Variants in ABCA8 observed in about 807,000 individuals in gnomAD.
ABCA8 encodes the protein ATP binding cassette subfamily A member 8.
ABCA8 carries 177 observed loss-of-function variants against 192.3 expected under a neutral mutation model. The observed-to-expected ratio is 0.92, with a 90% CI of 0.81 to 1.04. The LOEUF is 1.04. ABCA8 is among the 50% of genes least tolerant of loss of function. ABCA8 has a pLI of 0.00. For synonymous variants in ABCA8, 642 were observed against 690.2 expected, an observed-to-expected ratio of 0.93 and a Z score of 1.09; for missense variants, 1,915 against 1,904.8, an observed-to-expected ratio of 1.01 and a Z score of -0.10.
rs750872366 is a variant in ABCA8 at position 68,876,743 on chromosome 17, A to G, written c.4200-40T>C. The G allele has an allele frequency of 5.0e-6, 8 of 1,612,828 alleles. No homozygotes were observed. In the East Asian group the frequency reaches 1.3e-4, roughly 27 times the overall value. On this transcript the variant is annotated intron_variant, in intron 33 of 39. Coordinates refer to ENST00000586539, the MANE Select transcript of ABCA8 (RefSeq NM_001288985.2). ...AGAGTCGTACAGTCTTCTTGACAAG[A>G]GGAAATAGATAAGAGGATAACCCAA...
chr17:68,894,346 A>G (rs2066694600), intron 22 of ABCA8, 36 bp from the exon 23 acceptor site: 2 of 1,547,426 alleles, frequency 1.3e-6, no homozygotes, highest in South Asian at 1.2e-5. Context: ...GTTCTCAAAT[A>G]TCTTCATTTT....
At position 68,919,424 on chromosome 17, in the gene ABCA8, A is replaced by AT; in HGVS notation, c.1664dup (p.Asn555LysfsTer17). On this transcript the variant is annotated frameshift_variant, in exon 14 of 40. Coordinates refer to ENST00000586539, the MANE Select transcript of ABCA8 (RefSeq NM_001288985.2). LOFTEE classifies it high-confidence loss of function. ...GACAAACTCCGGTCAGCTTGCTGAG[A>AT]TTTTCTAGGTCAGCCATTTCTGAAA... 2 of 1,614,012 alleles carry AT rather than the reference A, an allele frequency of 1.2e-6. No individual in the cohort carries two copies. The highest frequency in any genetic ancestry group is 1.7e-6 in the Non-Finnish European group (2 of 1,179,966).
chr17:68,947,924 T>G (rs2068457269), intron 2 of ABCA8, among the ~76,000 whole-genome samples: 1 of 152,090 alleles, frequency 6.6e-6, no homozygotes. Flanking sequence ...GGCCCTGGTG[T>G]GCATTGTTCC....
At chr17:68,953,083 A>G (rs564485194) in intron 1 of ABCA8, among the ~76,000 whole-genome samples, 1 of 152,342 alleles carries the variant, frequency 6.6e-6, no homozygotes, top group South Asian at 2.1e-4. Flanking sequence ...TGAAAACTGT[A>G]GGACTAGAGT....
intron 15 of ABCA8, 104 bp downstream of exon 15, chr17:68,918,323 G>A (rs1392114653): frequency 1.4e-6 from 2 of 1,473,842 alleles, no homozygotes; most frequent in East Asian, 4.9e-5. Flanking sequence ...GTTCTATTAT[G>A]AATATTTTAT....
chr17:68,929,971 T>C (rs1390849034), intron 7 of ABCA8, among the ~76,000 whole-genome samples: 5 of 38,136 alleles, frequency 1.3e-4, no homozygotes, highest in African/African-American at 5.0e-4. Flanking sequence ...CACATTGTTC[T>C]GGGGGGTGGG....
At chr17:68,918,801 G>A (rs117232437) in intron 14 of ABCA8, among the ~76,000 whole-genome samples, 2,281 of 151,962 alleles carry the variant, frequency 0.015, 21 homozygotes, top group Non-Finnish European at 0.023. Context: ...GCCTGGCGGC[G>A]TGCCTGTAAT....
chr17:68,916,877 C>A (rs934453375), intron 17 of ABCA8, among the ~76,000 whole-genome samples: 1 of 152,156 alleles, frequency 6.6e-6, no homozygotes, highest in African/African-American at 2.4e-5. Context: ...GTTATATTCT[C>A]AATATCTAAA....
At position 68,933,154 on chromosome 17, in the gene ABCA8, C is replaced by A. The variant is rs1360623987; in HGVS notation, c.570+14G>T. On this transcript the variant is annotated intron_variant, in intron 6 of 39. Transcript: ENST00000586539. ...GCATTAAACATTAGTTTGCTTTGAACATTTTGTACTCACTTCTATAATAGC... is the reference window on the plus strand; with the variant it reads ...GCATTAAACATTAGTTTGCTTTGAAAATTTTGTACTCACTTCTATAATAGC... 1 of 1,576,424 alleles carries A rather than the reference C, an allele frequency of 6.3e-7. No individual in the cohort carries two copies. Among genetic ancestry groups the A allele is most frequent in the Non-Finnish European group, 8.7e-7 (1 of 1,151,170 alleles).
rs968325777 is a variant in ABCA8, at chr17:68,880,846, T to A, written c.4038+274A>T. The A allele has an allele frequency of 1.6e-5, 7 of 447,878 alleles. No homozygotes were observed. In the Admixed American group the frequency reaches 2.1e-4, roughly 13 times the overall value. 27.7% of individuals were successfully genotyped at this position (447,878 alleles called of 1,614,324 possible). ...AGCCTGCTGAGCTGAGTGGACAGAATGAGCCCAGCGGGTCTGAGCCAAACT... is the reference window on the plus strand; with the variant it reads ...AGCCTGCTGAGCTGAGTGGACAGAAAGAGCCCAGCGGGTCTGAGCCAAACT... On this transcript the variant is annotated intron_variant, in intron 32 of 39. Transcript: ENST00000586539.
intron 21 of ABCA8, among the ~76,000 whole-genome samples, chr17:68,901,353 T>C (rs1208811982): frequency 1.3e-5 from 2 of 152,182 alleles, no homozygotes; most frequent in East Asian, 1.9e-4. Flanking sequence ...AGGTGTACAA[T>C]TGACGAGTTA....
intron 21 of ABCA8, 143 bp downstream of exon 21, chr17:68,902,570 G>C: frequency 1.6e-6 from 1 of 620,736 alleles, no homozygotes; most frequent in Non-Finnish European, 2.5e-6. Context: ...TTGGGGGCCT[G>C]TATTTATTAT....
chr17:68,951,212 G>T (rs1025250755), intron 1 of ABCA8, among the ~76,000 whole-genome samples: 1 of 152,138 alleles, frequency 6.6e-6, no homozygotes, highest in Non-Finnish European at 1.5e-5. Flanking sequence ...ACATAAATGT[G>T]GCAATAGACC....
intron 28 of ABCA8, 72 bp from the exon 29 acceptor site, chr17:68,883,954 AT>A: frequency 1.1e-6 from 1 of 933,766 alleles, no homozygotes; most frequent in Non-Finnish European, 1.6e-6. Flanking sequence ...TATACTAATA[AT>A]AACCGAACTT....
chr17:68,883,402 G>T (rs1339458226), intron 29 of ABCA8, among the ~76,000 whole-genome samples: 2 of 152,138 alleles, frequency 1.3e-5, no homozygotes, highest in South Asian at 2.1e-4. Flanking sequence ...CCACTGGCTG[G>T]GATGCTCACT....
chr17:68,890,223 T>G (rs541685378), intron 24 of ABCA8, among the ~76,000 whole-genome samples: 66 of 152,328 alleles, frequency 4.3e-4, no homozygotes, highest in African/African-American at 1.4e-3. Flanking sequence ...TTGATAGTGT[T>G]GGTCATTCTA....
intron 2 of ABCA8, among the ~76,000 whole-genome samples, chr17:68,946,106 G>A (rs1038410158): frequency 4.6e-5 from 7 of 151,702 alleles, no homozygotes; most frequent in Admixed American, 2.6e-4. Flanking sequence ...CTCACTGTGT[G>A]GCCCAGGCTA....
At chr17:68,944,004 G>T (rs2068305410) in intron 2 of ABCA8, among the ~76,000 whole-genome samples, 1 of 151,948 alleles carries the variant, frequency 6.6e-6, no homozygotes, top group Admixed American at 6.6e-5. Context: ...GTCCTTTGCA[G>T]GGACATGGAT....
In ABCA8 at chr17:68,877,653, C is replaced by T. The variant is rs767924621; in HGVS notation, c.4065G>A (p.Gly1355=). Residue 1355 remains glycine, a synonymous_variant, in exon 33 of 40, where the codon GGG becomes GGA. Transcript: ENST00000586539. ...AGTACCCCAGGAACTCCAGGGCATC[C>T]CCTCCACCGCTCCCTTTCAGTAGCA... ...GQVLLKGSGG[G]DALEFLGYCP... 7 of 1,612,802 alleles carry T rather than the reference C, an allele frequency of 4.3e-6. No individual in the cohort carries two copies. In the Admixed American group the frequency reaches 8.3e-5, roughly 19 times the overall value.
Sources: allele counts gnomAD v4.1 joint callset (sites outside exome capture counted in the v4.1 genomes callset), GRCh38; gene constraint gnomAD v4.1.1; transcripts MANE v1.5; gene names NCBI Gene and HGNC (gene_info 2026-07-23, HGNC 2026-07-21).